The following IDUA variants were observed in gnomAD, a reference collection of about 807,000 sequenced individuals.
The protein encoded by IDUA is alpha-L-iduronidase.
IDUA carries 65 observed loss-of-function variants against 68.9 expected under a neutral mutation model. That is an observed-to-expected ratio of 0.94 (90% CI 0.77 to 1.16). The LOEUF is 1.16. Ranked by LOEUF, IDUA falls within the 50% of genes most tolerant of loss-of-function variation. IDUA has a pLI of 0.00. For missense variants in IDUA, 1,046 were observed against 938.0 expected (o/e 1.12, Z -1.50); for synonymous variants, 529 against 433.6 (o/e 1.22, Z -2.73).
rs749562383 is a variant in IDUA at position 991,510 on chromosome 4, G to A, written c.299+3561G>A. On this transcript the variant is annotated intron_variant, in intron 2 of 13. Transcript: ENST00000514224. ...GACGTCGCCTGCCAGGTACTCCCGC[G>A]GGCGGTACTGACGCAGCCAGCGCGT... The A allele has an allele frequency of 2.7e-5, 43 of 1,609,426 alleles. No homozygotes were observed. The highest frequency in any genetic ancestry group is 1.0e-4 in the Admixed American group (6 of 59,902).
rs1009685278 is a variant in IDUA at position 987,119 on chromosome 4, C to T, written c.35C>T (p.Ala12Val). 8 of 1,438,174 alleles carry T rather than the reference C, an allele frequency of 5.6e-6. No individual in the cohort carries two copies. In the African/African-American group the frequency reaches 8.9e-5, roughly 16 times the overall value. 89.1% of individuals were successfully genotyped at this position (1,438,174 alleles called of 1,614,324 possible). The change falls in exon 1 of 14, where the codon GCG becomes GTG. Residue 12 changes from alanine to valine, a missense_variant. Coordinates refer to ENST00000514224, the MANE Select transcript of IDUA (RefSeq NM_000203.5). ...RPLRPRAALL[A>V]LLASLLAAPP... The stretch of plus-strand genomic sequence containing the variant: ...CTGCGCCCCCGCGCCGCGCTGCTGG[C>T]GCTCCTGGCCTCGCTCCTGGCCGCG...
At chr4:1,000,562 A>G (rs1715009285) in intron 2 of IDUA, 50 bp from the exon 3 acceptor site, 1 of 1,409,004 alleles carries the variant, frequency 7.1e-7, no homozygotes, top group South Asian at 1.2e-5. Flanking sequence ...AGCCTGGAGC[A>G]TGGAGCTGTG....
chr4:991,147 A>C, intron 2 of IDUA: 1 of 1,545,210 alleles, frequency 6.5e-7, no homozygotes, highest in Non-Finnish European at 8.8e-7. Flanking sequence ...CCCGGTCATC[A>C]GCGTGAGGGC....
chr4:1,002,503 G>A lies in IDUA; in HGVS notation c.1189+18G>A. The A allele has an allele frequency of 6.6e-7, 1 of 1,507,772 alleles. No individual in the cohort carries two copies. The highest frequency in any genetic ancestry group is 8.8e-7 in the Non-Finnish European group (1 of 1,130,248). 93.4% of individuals were successfully genotyped at this position (1,507,772 alleles called of 1,614,324 possible). On this transcript the variant is annotated intron_variant, in intron 8 of 13. Coordinates refer to ENST00000514224, the MANE Select transcript of IDUA (RefSeq NM_000203.5). Reference sequence around the variant, plus strand: ...GCTGCTGGGTGAGCCGGGGCCGCTGGGGTGGGCCGGCCAGGGCCCTCCAGG... The same window carrying A: ...GCTGCTGGGTGAGCCGGGGCCGCTGAGGTGGGCCGGCCAGGGCCCTCCAGG...
At chr4:998,467 C>G (rs1714875157) in intron 2 of IDUA, among the ~76,000 whole-genome samples, 1 of 152,172 alleles carries the variant, frequency 6.6e-6, no homozygotes, top group Non-Finnish European at 1.5e-5. Flanking sequence ...CCAGCTGCCA[C>G]AGGAGGTGCA....
intron 2 of IDUA, chr4:989,587 C>T (rs761642769): frequency 2.8e-5 from 44 of 1,598,994 alleles, no homozygotes; most frequent in Middle Eastern, 3.4e-4. Flanking sequence ...CAGGGCCCCC[C>T]GCAGGCTGAC....
At position 995,593 on chromosome 4, in the gene IDUA, G is replaced by A. The variant is rs756991604; in HGVS notation, c.300-5019G>A. On this transcript the variant is annotated intron_variant, in intron 2 of 13. Coordinates refer to ENST00000514224, the MANE Select transcript of IDUA (RefSeq NM_000203.5). ...GCCTGACTCTGTCCGGGGAACAGAAGCCACAGGCTCTACTTCTCCTGTCCA... is the reference window on the plus strand; with the variant it reads ...GCCTGACTCTGTCCGGGGAACAGAAACCACAGGCTCTACTTCTCCTGTCCA... 2.0e-5 allele frequency among the ~76,000 whole-genome samples: 3 copies of A among 152,368 alleles called. 1 individual carries two copies. The highest frequency in any genetic ancestry group is 2.4e-5 in the African/African-American group (1 of 41,598).
At chr4:989,014 A>G (rs1317827270) in intron 2 of IDUA, 2 of 1,589,282 alleles carry the variant, frequency 1.3e-6, no homozygotes, top group Admixed American at 1.8e-5. Context: ...CAGCAGGCTG[A>G]TGCCCAGGGC....
intron 2 of IDUA, chr4:991,012 G>A (rs773228586): frequency 1.2e-5 from 13 of 1,083,580 alleles, no homozygotes; most frequent in Non-Finnish European, 1.7e-5. Flanking sequence ...TTGCTGTCTT[G>A]GGCCAGCACC....
At chr4:1,000,752 C>T (rs563524581) in intron 3 of IDUA, 55 bp downstream of exon 3, 4 of 1,497,128 alleles carry the variant, frequency 2.7e-6, no homozygotes, top group Non-Finnish European at 3.7e-6. Flanking sequence ...CCCTGCCCAC[C>T]CTCTCCCTCA....
chr4:997,080 G>A (rs1298170532), intron 2 of IDUA, among the ~76,000 whole-genome samples: 3 of 152,172 alleles, frequency 2.0e-5, no homozygotes, highest in Admixed American at 1.3e-4. Context: ...TGGGAAAGGA[G>A]ACCTTGCATC....
chr4:1,003,300 C>A, intron 10 of IDUA, 45 bp from the exon 11 acceptor site: 1 of 1,399,536 alleles, frequency 7.1e-7, no homozygotes, highest in South Asian at 1.6e-5. Flanking sequence ...GGCCGAGCGT[C>A]CCCAGCTCCC....
At position 989,233 on chromosome 4, in the gene IDUA, A is replaced by G. The variant is rs1470524095; in HGVS notation, c.299+1284A>G. The G allele has an allele frequency of 2.5e-6, 4 of 1,612,100 alleles. No individual in the cohort carries two copies. The African/African-American group carries it at 4.0e-5, about 16-fold the overall frequency. ...GCCCCCCTCCTTCCTCCTGGCAGCC[A>G]TGCACCCTGCGTCCAGCCCCGTGAG... On this transcript the variant is annotated intron_variant, in intron 2 of 13. Transcript: ENST00000514224.
intron 1 of IDUA, 97 bp from the exon 2 acceptor site, chr4:987,712 T>G: frequency 6.4e-7 from 1 of 1,572,562 alleles, no homozygotes. Flanking sequence ...AGCGCCTGGA[T>G]CCTGCGCCCG....
chr4:987,085 A>ATGCGTCCCC lies in IDUA; in HGVS notation c.6_14dup (p.Leu4_Pro6dup). Reference sequence around the variant, plus strand: ...CCGCAGTCCCCGAGCACGCGTGGCCATGCGTCCCCTGCGCCCCCGCGCCGC... The same window carrying ATGCGTCCCC: ...CCGCAGTCCCCGAGCACGCGTGGCCATGCGTCCCCTGCGTCCCCTGCGCCCCCGCGCCGC... On this transcript the variant is annotated inframe_insertion, in exon 1 of 14. Transcript: ENST00000514224. 6.7e-7 allele frequency: 1 copy of ATGCGTCCCC among 1,484,178 alleles called. No homozygotes were observed. The allele number at this position is 1,484,178 out of a possible 1,614,324, so 91.9% of individuals were successfully genotyped here. A position where few individuals can be genotyped will look rare whatever the true frequency, so the allele number is the denominator to read the frequency against.
At position 991,411 on chromosome 4, in the gene IDUA, G is replaced by A. The variant is rs1010906017; in HGVS notation, c.299+3462G>A. 1 of 1,612,834 alleles carries A rather than the reference G, an allele frequency of 6.2e-7. No homozygotes were observed. Among genetic ancestry groups the A allele is most frequent in the African/African-American group, 1.3e-5 (1 of 75,054 alleles). On this transcript the variant is annotated intron_variant, in intron 2 of 13. Coordinates refer to ENST00000514224, the MANE Select transcript of IDUA (RefSeq NM_000203.5). Reference sequence around the variant, plus strand: ...GAAGGACGTATAGAGGCTGTAGATGGGCTGCAGCCCGGCCAGCAATGAGTA... The same window carrying A: ...GAAGGACGTATAGAGGCTGTAGATGAGCTGCAGCCCGGCCAGCAATGAGTA...
chr4:989,053 G>T, intron 2 of IDUA: 1 of 1,585,308 alleles, frequency 6.3e-7, no homozygotes, highest in Non-Finnish European at 8.6e-7. Flanking sequence ...GTCCTGCAGC[G>T]TGCTCACACC....
chr4:1,001,090 G>T, intron 4 of IDUA, 101 bp downstream of exon 4: 1 of 837,154 alleles, frequency 1.2e-6, no homozygotes, highest in Non-Finnish European at 2.0e-6. Context: ...GAGATACATT[G>T]GTGGGCAGGC....
chr4:989,514 T>C lies in IDUA; in HGVS notation c.299+1565T>C, dbSNP rs1714053482. On this transcript the variant is annotated intron_variant, in intron 2 of 13. Transcript: ENST00000514224. ...CCAGCATACAGGTGGCCGCGGTGCCTGCCCAGACCAGCGCGTCAGCCGGGC... is the reference window on the plus strand; with the variant it reads ...CCAGCATACAGGTGGCCGCGGTGCCCGCCCAGACCAGCGCGTCAGCCGGGC... 3.9e-6 allele frequency: 6 copies of C among 1,553,944 alleles called. No individual in the cohort carries two copies. In the South Asian group the frequency reaches 5.9e-5, roughly 15 times the overall value.
Sources: gnomAD v4.1 joint callset for allele counts (sites outside exome capture counted in the v4.1 genomes callset) on GRCh38, gnomAD v4.1.1 for gene constraint, MANE v1.5 for transcripts, NCBI Gene and HGNC (gene_info 2026-07-23, HGNC 2026-07-21) for gene names.